DPH6: variants seen among roughly 807,000 people sequenced by gnomAD.
DPH6 encodes the protein diphthamine biosynthesis 6.
A neutral mutation model predicts 38.2 loss-of-function variants in DPH6; 33 were observed. The observed-to-expected ratio is 0.86, with a 90% CI of 0.65 to 1.15. DPH6 has a LOEUF of 1.15. DPH6 is among the 50% of genes most tolerant of loss of function. The pLI is 0.00. For missense variants in DPH6, 325 were observed against 320.0 expected (o/e 1.02, Z -0.12); for synonymous variants, 108 against 103.0 (o/e 1.05, Z -0.30).
intron 3 of DPH6, among the ~76,000 whole-genome samples, chr15:35,514,026 T>C (rs188972685): frequency 2.2e-3 from 328 of 152,116 alleles, no homozygotes; most frequent in African/African-American, 7.4e-3. Flanking sequence ...GAGTAAAGGG[T>C]TGGAAACTTT....
At chr15:35,438,555 C>A (rs1303992154) in intron 5 of DPH6, among the ~76,000 whole-genome samples, 1 of 152,106 alleles carries the variant, frequency 6.6e-6, no homozygotes, top group Non-Finnish European at 1.5e-5. Flanking sequence ...TCTTAAAGGG[C>A]CCCATTTGGA....
chr15:35,196,744 G>A, the DPH6 span, among the ~76,000 whole-genome samples: 1 of 152,140 alleles, frequency 6.6e-6, no homozygotes, highest in Non-Finnish European at 1.5e-5. Flanking sequence ...AGTTCCTTCA[G>A]GGTGGGGATA....
intron 3 of DPH6, among the ~76,000 whole-genome samples, chr15:35,334,784 G>T (rs1463287648): frequency 6.6e-6 from 1 of 152,070 alleles, no homozygotes; most frequent in East Asian, 1.9e-4. Flanking sequence ...ATATGTACCA[G>T]ATTTTCTTTA....
At chr15:35,229,048 T>C (rs1023342650) in intron 3 of DPH6, among the ~76,000 whole-genome samples, 35 of 152,300 alleles carry the variant, frequency 2.3e-4, no homozygotes, top group Non-Finnish European at 5.9e-5. Flanking sequence ...TTAAATCTTC[T>C]GGGTGTTCTA....
intron 6 of DPH6, among the ~76,000 whole-genome samples, chr15:35,394,160 A>G (rs748686195): frequency 6.6e-6 from 1 of 152,082 alleles, no homozygotes; most frequent in African/African-American, 2.4e-5. Flanking sequence ...TGCATTCCCT[A>G]TAACAGCACC....
rs367907793 is a variant in DPH6, at chr15:35,274,873, C to T, written n.201-54291G>A. Among the ~76,000 whole-genome samples, 22 of 152,058 alleles carry T rather than the reference C, an allele frequency of 1.4e-4. 4 individuals are homozygous for T. Among genetic ancestry groups the T allele is most frequent in the East Asian group, 7.7e-4 (4 of 5,182 alleles). On this transcript the variant is annotated intron_variant and non_coding_transcript_variant, in intron 3 of 3. Transcript: ENST00000560386. ...TCTAGAACCAGAAATACCATTTGAC[C>T]CAGCAATCCCATTATTGGGTATATA... is the stretch of plus-strand genomic sequence containing the variant.
the DPH6 span, among the ~76,000 whole-genome samples, chr15:35,212,055 G>A: frequency 6.6e-6 from 1 of 152,188 alleles, no homozygotes; most frequent in African/African-American, 2.4e-5. Flanking sequence ...TAAAATATCT[G>A]TGAGTGTTTT....
chr15:35,445,984 G>C (rs1289367139), intron 5 of DPH6, among the ~76,000 whole-genome samples: 1 of 152,128 alleles, frequency 6.6e-6, no homozygotes, highest in Non-Finnish European at 1.5e-5. Flanking sequence ...CGTAAATACT[G>C]TAAACCTCGA....
At chr15:35,382,045 A>T (rs1173747670) in intron 6 of DPH6, 129 bp from the exon 7 acceptor site, 1 of 667,934 alleles carries the variant, frequency 1.5e-6, no homozygotes, top group East Asian at 2.8e-5. Context: ...GGTAAGGAAA[A>T]TTAATTATAT....
chr15:35,232,090 G>C (rs1477883833), intron 3 of DPH6, among the ~76,000 whole-genome samples: 1 of 152,162 alleles, frequency 6.6e-6, no homozygotes, highest in Non-Finnish European at 1.5e-5. Flanking sequence ...CAATCAGGGA[G>C]TGAGGTGCTC....
At chr15:35,210,685 C>T in the DPH6 span, among the ~76,000 whole-genome samples, 1 of 151,892 alleles carries the variant, frequency 6.6e-6, no homozygotes, top group African/African-American at 2.4e-5. Context: ...TAATATATGC[C>T]CCAATTAATT....
intron 5 of DPH6, among the ~76,000 whole-genome samples, chr15:35,421,913 C>CA (rs1191576309): frequency 1.3e-5 from 2 of 151,752 alleles, no homozygotes; most frequent in Non-Finnish European, 2.9e-5. Flanking sequence ...CAAGGTGCTG[C>CA]AATAGACTAG....
intron 5 of DPH6, among the ~76,000 whole-genome samples, chr15:35,415,980 G>T (rs143217280): frequency 4.0e-4 from 61 of 152,016 alleles, no homozygotes; most frequent in African/African-American, 1.4e-3. Flanking sequence ...TGGTAATGGG[G>T]TCTGTGTAAA....
At chr15:35,410,204 T>C (rs1405458431) in intron 6 of DPH6, among the ~76,000 whole-genome samples, 1 of 151,810 alleles carries the variant, frequency 6.6e-6, no homozygotes, top group Non-Finnish European at 1.5e-5. Context: ...TGGTAGAATA[T>C]AAATACTCCA....
At chr15:35,176,309 T>C in the DPH6 span, among the ~76,000 whole-genome samples, 1 of 152,202 alleles carries the variant, frequency 6.6e-6, no homozygotes, top group Non-Finnish European at 1.5e-5. Flanking sequence ...CTAAGAAAAG[T>C]GCTGCCCCAC....
intron 3 of DPH6, among the ~76,000 whole-genome samples, chr15:35,357,814 G>A (rs935357513): frequency 1.3e-5 from 2 of 152,208 alleles, no homozygotes; most frequent in Non-Finnish European, 2.9e-5. Flanking sequence ...CAGCTCTTAA[G>A]ATTCTTTCCT....
chr15:35,512,914 A>G (rs2054794753), intron 3 of DPH6, among the ~76,000 whole-genome samples: 1 of 152,152 alleles, frequency 6.6e-6, no homozygotes, highest in Non-Finnish European at 1.5e-5. Context: ...TAATTTATGG[A>G]TCACATCAAA....
chr15:35,261,195 G>C (rs1453149120), intron 3 of DPH6, among the ~76,000 whole-genome samples: 1 of 152,134 alleles, frequency 6.6e-6, no homozygotes, highest in African/African-American at 2.4e-5. Flanking sequence ...GCTTTTTATA[G>C]ACAGTTTATC....
chr15:35,357,015 T>C (rs1200399232), intron 3 of DPH6, among the ~76,000 whole-genome samples: 1 of 152,192 alleles, frequency 6.6e-6, no homozygotes, highest in Non-Finnish European at 1.5e-5. Flanking sequence ...TCTGCCGCCT[T>C]GCAGTTTGAT....
Sources: gnomAD v4.1 joint callset for allele counts (sites outside exome capture counted in the v4.1 genomes callset) on GRCh38, gnomAD v4.1.1 for gene constraint, MANE v1.5 for transcripts, NCBI Gene and HGNC (gene_info 2026-07-23, HGNC 2026-07-21) for gene names.